The following ZNF462 variants were observed in gnomAD, a reference collection of about 807,000 sequenced individuals.
The protein encoded by ZNF462 is zinc finger protein 462.
ZNF462 carries 10 observed loss-of-function variants against 201.9 expected under a neutral mutation model. The observed-to-expected ratio is 0.05, with a 90% CI of 0.03 to 0.08. The LOEUF (loss-of-function observed/expected upper bound fraction) is 0.08. ZNF462 is among the 10% of genes least tolerant of loss of function. ZNF462 has a pLI of 1.00. For synonymous variants in ZNF462, 1,227 were observed against 1,193.3 expected (o/e 1.03, Z -0.58); for missense variants, 2,523 against 3,168.3 (o/e 0.80, Z 4.89).
chr9:106,939,037 T>C lies in ZNF462; in HGVS notation c.6357T>C (p.Ser2119=), dbSNP rs757382808. The C allele has an allele frequency of 1.9e-6, 3 of 1,613,678 alleles. No homozygotes were observed. The highest frequency in any genetic ancestry group is 1.1e-5 in the South Asian group (1 of 91,044). ...ALTLPRPRIV[S]LLSSHSHHSS... is the part of the protein sequence containing the mutation. ...CCCTCCCCAGGCCACGGATCGTCAG[T>C]CTCCTCTCCTCACACTCCCACCACT... The change falls in exon 7 of 13, where the codon AGT becomes AGC. Residue 2119 remains serine, a synonymous_variant. Coordinates refer to ENST00000277225, the MANE Select transcript of ZNF462 (RefSeq NM_021224.6).
At position 107,011,166 on chromosome 9, in the gene ZNF462, T is replaced by A. The variant is rs764466622; in HGVS notation, c.*136T>A. 3.3e-4 allele frequency: 242 copies of A among 732,586 alleles called. 3 individuals are homozygous for A. The highest frequency in any genetic ancestry group is 3.6e-4 in the Admixed American group (13 of 36,440). 45.4% of individuals were successfully genotyped at this position (732,586 alleles called of 1,614,324 possible). ...CTTTTTAGGACTGAACAATCTATTT[T>A]CAAAGCACTGGTACCTGTGTGAGTG... On this transcript the variant is annotated 3_prime_UTR_variant, in exon 13 of 13. Transcript: ENST00000277225. The surrounding 1 kb of genome is among the most constrained non-coding windows in gnomAD (Gnocchi z 5.6).
At chr9:106,996,414 G>C (rs1588182314) in intron 10 of ZNF462, among the ~76,000 whole-genome samples, 1 of 152,272 alleles carries the variant, frequency 6.6e-6, no homozygotes, top group East Asian at 1.9e-4. Flanking sequence ...GGTTGAAGTA[G>C]TTTACAGTCC....
At chr9:106,899,703 AT>A (rs1195129035) in intron 1 of ZNF462, among the ~76,000 whole-genome samples, 1 of 152,044 alleles carries the variant, frequency 6.6e-6, no homozygotes, top group Non-Finnish European at 1.5e-5. Context: ...CAGAGTTGAC[AT>A]TTTTTTCAGA....
intron 7 of ZNF462, among the ~76,000 whole-genome samples, chr9:106,948,776 T>C (rs1368966865): frequency 6.6e-6 from 1 of 152,044 alleles, no homozygotes; most frequent in Non-Finnish European, 1.5e-5. Context: ...CTTTGAAATA[T>C]AAGGATTCAT....
rs1160419929 is a variant in ZNF462, at chr9:106,966,049, C to A, written c.6428-5956C>A. Among the ~76,000 whole-genome samples, 2 of 152,098 alleles carry A rather than the reference C, an allele frequency of 1.3e-5. No individual in the cohort carries two copies. Among genetic ancestry groups the A allele is most frequent in the East Asian group, 3.9e-4 (2 of 5,190 alleles). On this transcript the variant is annotated intron_variant, in intron 7 of 12. Transcript: ENST00000277225. This position sits in a 1 kb window ranked among gnomAD's most constrained non-coding sequence, Gnocchi z 4.4. ...TTTGGGTTCTCCCTCAACCTCCTCACTTTGGGCATTTACAATATCTTAAGT... is the reference window on the plus strand; with the variant it reads ...TTTGGGTTCTCCCTCAACCTCCTCAATTTGGGCATTTACAATATCTTAAGT...
Position 106,984,321 on chromosome 9 carries a change from A to G in ZNF462, c.6968A>G (p.Asn2323Ser), listed in dbSNP as rs761451992. ...ESLQQHIEKH[N>S]ELKPYKCQLC... ...CTCCAGCAACATATAGAAAAGCACA[A>G]TGAACTGAAACCTTACAAATGCCAG... is the stretch of plus-strand genomic sequence containing the variant. Residue 2323 changes from asparagine to serine, a missense_variant, in exon 10 of 13, where the codon AAT becomes AGT. By Grantham distance (46) the Asn-to-Ser change is conservative (BLOSUM62 1). This residue lies in a region of ZNF462 where 228 missense variants were observed against 361.2 expected (regional missense o/e 0.63). Coordinates refer to ENST00000277225, the MANE Select transcript of ZNF462 (RefSeq NM_021224.6). This position sits in a 1 kb window ranked among gnomAD's most constrained non-coding sequence, Gnocchi z 6.4. The G allele has an allele frequency of 4.3e-6, 7 of 1,613,996 alleles. No homozygotes were observed. Among genetic ancestry groups the G allele is most frequent in the South Asian group, 2.2e-5 (2 of 91,086 alleles).
intron 7 of ZNF462, among the ~76,000 whole-genome samples, chr9:106,953,586 G>C (rs895135659): frequency 1.3e-5 from 2 of 151,968 alleles, no homozygotes; most frequent in Admixed American, 6.6e-5. Context: ...CCTTGTTTTT[G>C]CCATGTTTCT....
chr9:106,984,327 T>C lies in ZNF462; in HGVS notation c.6974T>C (p.Leu2325Pro). The part of the protein sequence containing the change: ...LQQHIEKHNE[L>P]KPYKCQLCYY... ...CAACATATAGAAAAGCACAATGAAC[T>C]GAAACCTTACAAATGCCAGCTCTGC... The change falls in exon 10 of 13, where the codon CTG becomes CCG. Residue 2325 changes from leucine to proline, a missense_variant. Transcript: ENST00000277225. This position sits in a 1 kb window ranked among gnomAD's most constrained non-coding sequence, Gnocchi z 6.4. 1 of 1,614,058 alleles carries C rather than the reference T, an allele frequency of 6.2e-7. No homozygotes were observed. The highest frequency in any genetic ancestry group is 1.1e-5 in the South Asian group (1 of 91,076).
intron 7 of ZNF462, among the ~76,000 whole-genome samples, chr9:106,965,389 G>C (rs1323646339): frequency 6.6e-6 from 1 of 151,954 alleles, no homozygotes; most frequent in Admixed American, 6.6e-5. Flanking sequence ...AACTGGAATT[G>C]ATCTTAGAAG....
chr9:106,913,049 C>CA lies in ZNF462; in HGVS notation c.-30-10304dup, dbSNP rs1829616950. 6.6e-6 allele frequency among the ~76,000 whole-genome samples: 1 copy of CA among 152,140 alleles called. No individual in the cohort carries two copies. The highest frequency in any genetic ancestry group is 1.5e-5 in the Non-Finnish European group (1 of 68,028). ...GTAGTCAGGTGATGACTCCAGGTGT[C>CA]ACATCAGTTCAGGGTAGCTTAGCGG... is the stretch of plus-strand genomic sequence containing the variant. On this transcript the variant is annotated intron_variant, in intron 1 of 12. Coordinates refer to ENST00000277225, the MANE Select transcript of ZNF462 (RefSeq NM_021224.6). This position sits in a 1 kb window ranked among gnomAD's most constrained non-coding sequence, Gnocchi z 4.1.
intron 10 of ZNF462, among the ~76,000 whole-genome samples, chr9:106,989,082 G>C (rs1422492228): frequency 6.6e-6 from 1 of 152,118 alleles, no homozygotes; most frequent in South Asian, 2.1e-4. Context: ...ATGTTGAAGA[G>C]GAGTGGTGAG....
rs1023287585 is a variant in ZNF462 at position 106,950,763 on chromosome 9, T to A, written c.6427+11656T>A. On this transcript the variant is annotated intron_variant, in intron 7 of 12. Transcript: ENST00000277225. This position sits in a 1 kb window ranked among gnomAD's most constrained non-coding sequence, Gnocchi z 4.1. ...TTGCATCTTAGCTATGTTATCTCCA[T>A]AACGGAAGTCTGGAAAACAATAACT... 7.9e-5 allele frequency among the ~76,000 whole-genome samples: 12 copies of A among 152,164 alleles called. No individual in the cohort carries two copies. The highest frequency in any genetic ancestry group is 2.9e-4 in the African/African-American group (12 of 41,434).
intron 7 of ZNF462, among the ~76,000 whole-genome samples, chr9:106,958,487 C>T (rs1831680817): frequency 6.6e-6 from 1 of 152,118 alleles, no homozygotes; most frequent in Non-Finnish European, 1.5e-5. Flanking sequence ...TTCCTTCTTC[C>T]TGGAATCCCT....
In ZNF462 at chr9:106,933,201, A is replaced by G. The variant is rs1224090756; in HGVS notation, c.6116+652A>G. On this transcript the variant is annotated intron_variant, in intron 5 of 12. Coordinates refer to ENST00000277225, the MANE Select transcript of ZNF462 (RefSeq NM_021224.6). The surrounding 1 kb of genome is among the most constrained non-coding windows in gnomAD (Gnocchi z 4.3). The stretch of plus-strand genomic sequence containing the variant: ...CGTGTAAAAGAGAGATAAATATTCA[A>G]TAATGCGTTTGGACAGTCTTGGATA... The G allele has an allele frequency of 6.5e-6, 1 of 154,798 alleles. No homozygotes were observed. The highest frequency in any genetic ancestry group is 2.4e-5 in the African/African-American group (1 of 41,468). The allele number at this position is 154,798 out of a possible 1,614,324, so 9.6% of individuals were successfully genotyped here.
intron 1 of ZNF462, among the ~76,000 whole-genome samples, chr9:106,898,450 C>T (rs1487515928): frequency 1.3e-5 from 2 of 152,028 alleles, no homozygotes; most frequent in Non-Finnish European, 2.9e-5. Context: ...GGTAGTGTCT[C>T]CAGAGAGACA....
Position 106,882,099 on chromosome 9 carries a change from C to G in ZNF462, c.-31+18744C>G, listed in dbSNP as rs187094258. On this transcript the variant is annotated intron_variant, in intron 1 of 12. Transcript: ENST00000277225. Reference sequence around the variant, plus strand: ...CTCTTCATGTTGGTGTGCAGGCAGCCTTATTGACTGGTTTCAGGGAAAAAG... The same window carrying G: ...CTCTTCATGTTGGTGTGCAGGCAGCGTTATTGACTGGTTTCAGGGAAAAAG... Among the ~76,000 whole-genome samples the G allele has an allele frequency of 2.8e-3, 420 of 152,262 alleles. 1 individual carries two copies. The highest frequency in any genetic ancestry group is 0.01 in the Middle Eastern group (3 of 294).
rs763806787 is a variant in ZNF462, at chr9:106,954,547, G to A, written c.6427+15440G>A. 2.7e-5 allele frequency among the ~76,000 whole-genome samples: 4 copies of A among 150,798 alleles called. No individual in the cohort carries two copies. The highest frequency in any genetic ancestry group is 6.6e-5 in the Admixed American group (1 of 15,138). On this transcript the variant is annotated intron_variant, in intron 7 of 12. Coordinates refer to ENST00000277225, the MANE Select transcript of ZNF462 (RefSeq NM_021224.6). This position sits in a 1 kb window ranked among gnomAD's most constrained non-coding sequence, Gnocchi z 4.0. ...AAAAAACTCAGTCAATATTCTCCAT[G>A]TTTATACCCAGCCTTTTCTCTTTCC...
At chr9:106,860,800 G>C (rs1827045539), upstream of ZNF462, among the ~76,000 whole-genome samples, 1 of 152,194 alleles carries the variant, frequency 6.6e-6, no homozygotes, top group Admixed American at 6.5e-5. The surrounding 1 kb of genome is among the most constrained non-coding windows in gnomAD (Gnocchi z 7.1). Context: ...ACACCCCCCG[G>C]GTCCCGGTGG....
In ZNF462 at chr9:106,928,682, G is replaced by A. The variant is rs527924669; in HGVS notation, c.4770G>A (p.Glu1590=). Residue 1590 remains glutamate, a synonymous_variant, in exon 3 of 13, where the codon GAG becomes GAA. Coordinates refer to ENST00000277225, the MANE Select transcript of ZNF462 (RefSeq NM_021224.6). The surrounding 1 kb of genome is among the most constrained non-coding windows in gnomAD (Gnocchi z 9.3). The stretch of plus-strand genomic sequence containing the variant: ...GTCCGTACACACACGGCACTTTGGA[G>A]AAACTAAAAATCCACTACGAGAAGT... ...KLCPYTHGTL[E]KLKIHYEKYH... is the part of the protein sequence containing the mutation. The A allele has an allele frequency of 1.2e-6, 2 of 1,614,026 alleles. No homozygotes were observed. Among genetic ancestry groups the A allele is most frequent in the African/African-American group, 1.3e-5 (1 of 74,902 alleles).
Sources: allele counts gnomAD v4.1 joint callset (sites outside exome capture counted in the v4.1 genomes callset), GRCh38; gene constraint gnomAD v4.1.1; regional missense constraint gnomAD v4.1.1; non-coding constraint Gnocchi (gnomAD v3.1); transcripts MANE v1.5; gene names NCBI Gene and HGNC (gene_info 2026-07-23, HGNC 2026-07-21).